CDYL2: variants seen among roughly 807,000 people sequenced by gnomAD.
The protein encoded by CDYL2 is chromodomain Y-like protein 2.
In CDYL2, 23 loss-of-function variants were observed where a neutral mutation model predicts 49.4. That is an observed-to-expected ratio of 0.47 (90% confidence interval 0.34 to 0.66). CDYL2 has a LOEUF of 0.66. CDYL2 is among the 30% of genes least tolerant of loss of function. CDYL2 has a pLI of 0.01. For synonymous variants in CDYL2, 360 were observed against 268.8 expected (o/e 1.34, Z -3.32); for missense variants, 678 against 656.4 (o/e 1.03, Z -0.36).
intron 1 of CDYL2, among the ~76,000 whole-genome samples, chr16:80,721,052 C>T (rs900147401): frequency 6.6e-6 from 1 of 152,038 alleles, no homozygotes; most frequent in Non-Finnish European, 1.5e-5. Context: ...CCGCCAAGAC[C>T]CCAGGAAAAT....
Position 80,604,087 on chromosome 16 carries a change from T to C in CDYL2, c.*301A>G, listed in dbSNP as rs2142353887. The C allele has an allele frequency of 1.8e-5, 7 of 395,010 alleles. No homozygotes were observed. Among genetic ancestry groups the C allele is most frequent in the South Asian group, 3.3e-5 (1 of 30,298 alleles). The allele number at this position is 395,010 out of a possible 1,614,324, so 24.5% of individuals were successfully genotyped here. On this transcript the variant is annotated 3_prime_UTR_variant, in exon 7 of 7. Coordinates refer to ENST00000570137, the MANE Select transcript of CDYL2 (RefSeq NM_152342.4). ...TGGTCTTCCCCTTCCTGGACCGTCA[T>C]GGTGCATTTCAGCAAGTGGGGAAAG...
chr16:80,632,301 A>G (rs13333733), intron 3 of CDYL2, among the ~76,000 whole-genome samples: 8,958 of 152,268 alleles, frequency 0.059, 807 homozygotes, highest in African/African-American at 0.2. Context: ...CTAAGTGAAA[A>G]AAGCCAGACA....
chr16:80,789,048 T>C (rs954821347), intron 1 of CDYL2, among the ~76,000 whole-genome samples: 1 of 152,016 alleles, frequency 6.6e-6, no homozygotes, highest in Non-Finnish European at 1.5e-5. Context: ...CATCAGAGAA[T>C]TCAAATTAAA....
chr16:80,742,295 A>G lies in CDYL2; in HGVS notation c.25-57166T>C, dbSNP rs555740125. 4 of 152,354 alleles carry G rather than the reference A, an allele frequency of 2.6e-5. No homozygotes were observed. In the South Asian group the frequency reaches 6.2e-4, roughly 24 times the overall value. The allele number at this position is 152,354 out of a possible 1,614,324, so 9.4% of individuals were successfully genotyped here. A position where few individuals can be genotyped will look rare whatever the true frequency, so the allele number is the denominator to read the frequency against. ...CCAACAACAAGGATTGATTAAACAC[A>G]TTCCAGAATATTCACTTGACAGAAT... On this transcript the variant is annotated intron_variant, in intron 1 of 6. Transcript: ENST00000570137.
chr16:80,612,537 C>T lies in CDYL2; in HGVS notation c.1218+89G>A. 3.0e-6 allele frequency: 4 copies of T among 1,313,816 alleles called. No individual in the cohort carries two copies. The highest frequency in any genetic ancestry group is 4.2e-6 in the Non-Finnish European group (4 of 953,704). 81.4% of individuals were successfully genotyped at this position (1,313,816 alleles called of 1,614,324 possible). ...CCAATCTGCAGGCTGACAACACCCT[C>T]AGGTTTCTAGCCCCATGAAGAGCCC... On this transcript the variant is annotated intron_variant, in intron 5 of 6. Coordinates refer to ENST00000570137, the MANE Select transcript of CDYL2 (RefSeq NM_152342.4). The surrounding 1 kb of genome is among the most constrained non-coding windows in gnomAD (Gnocchi z 5.0).
chr16:80,784,826 T>C (rs1567605951), intron 1 of CDYL2, among the ~76,000 whole-genome samples: 1 of 152,012 alleles, frequency 6.6e-6, no homozygotes, highest in Non-Finnish European at 1.5e-5. Flanking sequence ...CAAGAATATA[T>C]CACAAGGAGG....
At chr16:80,746,331 C>T (rs1024430686) in intron 1 of CDYL2, among the ~76,000 whole-genome samples, 1 of 152,126 alleles carries the variant, frequency 6.6e-6, no homozygotes, top group East Asian at 1.9e-4. Context: ...TAATCCCAAG[C>T]GCTATGAATT....
At chr16:80,645,987 G>C (rs1358002540) in intron 2 of CDYL2, among the ~76,000 whole-genome samples, 3 of 125,642 alleles carry the variant, frequency 2.4e-5, no homozygotes, top group South Asian at 3.1e-4. Context: ...GCCTGTCATG[G>C]GGTGGGGGGA....
intron 6 of CDYL2, among the ~76,000 whole-genome samples, chr16:80,607,668 G>A (rs949954697): frequency 2.6e-5 from 4 of 152,208 alleles, no homozygotes; most frequent in Non-Finnish European, 4.4e-5. Context: ...ACGAGCAGTC[G>A]GTGGAGAAAA....
intron 2 of CDYL2, among the ~76,000 whole-genome samples, chr16:80,667,743 C>T (rs1015145075): frequency 2.0e-5 from 3 of 152,150 alleles, no homozygotes; most frequent in East Asian, 3.8e-4. Context: ...ATTGAAATAA[C>T]GGCTAATATT....
intron 2 of CDYL2, among the ~76,000 whole-genome samples, chr16:80,664,909 G>T (rs1909197441): frequency 6.6e-6 from 1 of 152,178 alleles, no homozygotes; most frequent in Non-Finnish European, 1.5e-5. Flanking sequence ...GGCTTAGCAA[G>T]GGCTCAGTAA....
intron 1 of CDYL2, among the ~76,000 whole-genome samples, chr16:80,780,947 C>G (rs1226129911): frequency 6.6e-6 from 1 of 152,152 alleles, no homozygotes; most frequent in African/African-American, 2.4e-5. Context: ...GGCTCAATCT[C>G]AGTAAGAACA....
rs1201262552 is a variant in CDYL2, at chr16:80,601,067, AT to A, written c.*3320del. On this transcript the variant is annotated 3_prime_UTR_variant, in exon 7 of 7. Transcript: ENST00000570137. ...TAGCTATCCAATGTCATTCTTAGTGATTTTGATGGCTGTTACCCAGACATTA... is the reference window on the plus strand; with the variant it reads ...TAGCTATCCAATGTCATTCTTAGTGATTTGATGGCTGTTACCCAGACATTA... 5 of 152,238 alleles carry A rather than the reference AT, an allele frequency of 3.3e-5. No homozygotes were observed. In the East Asian group the frequency reaches 9.6e-4, roughly 29 times the overall value. 9.4% of individuals were successfully genotyped at this position (152,238 alleles called of 1,614,324 possible). A position where few individuals can be genotyped will look rare whatever the true frequency, so the allele number is the denominator to read the frequency against.
chr16:80,672,348 CA>C (rs1567564680), intron 2 of CDYL2, among the ~76,000 whole-genome samples: 1 of 85,098 alleles, frequency 1.2e-5, no homozygotes, highest in East Asian at 2.8e-4. Context: ...CACACACACA[CA>C]CACAGAGAGA....
chr16:80,693,276 T>C (rs1345891393), intron 1 of CDYL2, among the ~76,000 whole-genome samples: 2 of 152,066 alleles, frequency 1.3e-5, no homozygotes, highest in Non-Finnish European at 2.9e-5. Context: ...TAATCATAAA[T>C]AAGTTATACC....
intron 2 of CDYL2, among the ~76,000 whole-genome samples, chr16:80,675,820 G>A (rs746464757): frequency 5.7e-4 from 86 of 152,208 alleles, no homozygotes; most frequent in South Asian, 1.5e-3. Flanking sequence ...TGCTCCTGGG[G>A]AGGATCGCTT....
At chr16:80,656,121 A>G (rs1433143322) in intron 2 of CDYL2, among the ~76,000 whole-genome samples, 2 of 152,270 alleles carry the variant, frequency 1.3e-5, no homozygotes, top group African/African-American at 2.4e-5. Context: ...GGTAGGGGCT[A>G]AAAGTACCTA....
chr16:80,599,700 A>C lies in CDYL2; in HGVS notation c.*4688T>G, dbSNP rs1388937356. 6 of 152,230 alleles carry C rather than the reference A, an allele frequency of 3.9e-5. No individual in the cohort carries two copies. In the East Asian group the frequency reaches 1.2e-3, roughly 29 times the overall value. The allele number at this position is 152,230 out of a possible 1,614,324, so 9.4% of individuals were successfully genotyped here. A position where few individuals can be genotyped will look rare whatever the true frequency, so the allele number is the denominator to read the frequency against. On this transcript the variant is annotated 3_prime_UTR_variant, in exon 7 of 7. Transcript: ENST00000570137. ...ACCTTACCCAGAATGGACGTTTCCAAGTCATCGACAAGGAATCTGGGGCCA... is the reference window on the plus strand; with the variant it reads ...ACCTTACCCAGAATGGACGTTTCCACGTCATCGACAAGGAATCTGGGGCCA...
At chr16:80,688,649 C>A (rs1567572076) in intron 1 of CDYL2, among the ~76,000 whole-genome samples, 2 of 152,150 alleles carry the variant, frequency 1.3e-5, no homozygotes, top group Non-Finnish European at 2.9e-5. Context: ...CTCCCAAATA[C>A]CCCAGCATAC....
Sources: gnomAD v4.1 joint callset for allele counts (sites outside exome capture counted in the v4.1 genomes callset) on GRCh38, gnomAD v4.1.1 for gene constraint, Gnocchi (gnomAD v3.1) non-coding constraint, MANE v1.5 for transcripts, NCBI Gene and HGNC (gene_info 2026-07-23, HGNC 2026-07-21) for gene names.